Variants in HIVEP1 observed in about 807,000 individuals in gnomAD.
HIVEP1 encodes HIVEP zinc finger 1.
In HIVEP1, 36 loss-of-function variants were observed where a neutral mutation model predicts 180.0. That is an observed-to-expected ratio of 0.20 (90% confidence interval 0.15 to 0.26). The LOEUF is 0.26. Among genes scored for constraint, HIVEP1 ranks in the 10% least tolerant of loss-of-function variants. HIVEP1 has a pLI of 1.00. For missense variants in HIVEP1, 3,143 were observed against 3,268.7 expected (o/e 0.96, Z 0.94); for synonymous variants, 1,239 against 1,239.0 (o/e 1.00, Z 0.00).
intron 2 of HIVEP1, among the ~76,000 whole-genome samples, chr6:12,062,784 T>G (rs1344564758): frequency 6.6e-6 from 1 of 152,230 alleles, no homozygotes; most frequent in African/African-American, 2.4e-5. Flanking sequence ...AGACCAGGAT[T>G]TGAACTGAGA....
the HIVEP1 span, among the ~76,000 whole-genome samples, chr6:12,206,209 C>A: frequency 6.6e-6 from 1 of 152,210 alleles, no homozygotes; most frequent in South Asian, 2.1e-4. Flanking sequence ...TCTCAGCTCA[C>A]TGCAACCTCC....
At chr6:12,065,600 CG>C (rs1349714299) in intron 2 of HIVEP1, among the ~76,000 whole-genome samples, 1 of 152,048 alleles carries the variant, frequency 6.6e-6, no homozygotes, top group Non-Finnish European at 1.5e-5. Context: ...TCTGTGAATT[CG>C]CTTCTGTGTG....
Position 12,125,570 on chromosome 6 carries a change from C to T in HIVEP1, c.5775C>T (p.Ile1925=). 1 of 1,614,170 alleles carries T rather than the reference C, an allele frequency of 6.2e-7. No homozygotes were observed. Among genetic ancestry groups the T allele is most frequent in the Non-Finnish European group, 8.5e-7 (1 of 1,180,032 alleles). The change falls in exon 4 of 9, where the codon ATC becomes ATT. Residue 1925 remains isoleucine, a synonymous_variant. Transcript: ENST00000379388. The stretch of plus-strand genomic sequence containing the variant: ...TCACTTCTCTTTCATTGTTTAACAT[C>T]AAGGACACCCAGCAGCTGGCTTTCC... ...QPVTSLSLFN[I]KDTQQLAFPS...
At chr6:12,168,094 C>CATATATACAT (rs1562024449), downstream of HIVEP1, among the ~76,000 whole-genome samples, 1,186 of 44,332 alleles carry the variant, frequency 0.027, 391 homozygotes, top group Middle Eastern at 0.062. Context: ...CATATATACA[C>CATATATACAT]ATACACGTAT....
intron 2 of HIVEP1, among the ~76,000 whole-genome samples, chr6:12,017,819 A>G (rs544226476): frequency 6.6e-6 from 1 of 152,346 alleles, no homozygotes; most frequent in African/African-American, 2.4e-5. Context: ...TTAGCTAGAC[A>G]TAAAGTTTCT....
chr6:12,085,352 C>T (rs545557869), intron 2 of HIVEP1, among the ~76,000 whole-genome samples: 3 of 152,018 alleles, frequency 2.0e-5, no homozygotes, highest in East Asian at 1.9e-4. Context: ...GGGTTAAGTC[C>T]TAGGGTCTGG....
chr6:12,049,078 G>A (rs1279419230), intron 2 of HIVEP1, among the ~76,000 whole-genome samples: 2 of 152,200 alleles, frequency 1.3e-5, no homozygotes, highest in East Asian at 3.8e-4. Flanking sequence ...AAAGGTGGGT[G>A]TGGGCAGGGG....
rs997495532 is a variant in HIVEP1 at position 12,015,514 on chromosome 6, T to C, written c.-103-12T>C. On this transcript the variant is annotated splice_polypyrimidine_tract_variant and intron_variant, in intron 1 of 8. Transcript: ENST00000379388. Reference sequence around the variant, plus strand: ...GTAGTAAAATGTGCTTCTCCGTTTTTTTCTTTTTCAGCACATGGATTAATT... The same window carrying C: ...GTAGTAAAATGTGCTTCTCCGTTTTCTTCTTTTTCAGCACATGGATTAATT... The C allele has an allele frequency of 6.0e-6, 5 of 837,386 alleles. No homozygotes were observed. Among genetic ancestry groups the C allele is most frequent in the Middle Eastern group, 2.4e-4 (1 of 4,212 alleles). The allele number at this position is 837,386 out of a possible 1,614,324, so 51.9% of individuals were successfully genotyped here. A position where few individuals can be genotyped will look rare whatever the true frequency, so the allele number is the denominator to read the frequency against.
Position 12,119,906 on chromosome 6 carries a change from T to C in HIVEP1, c.111T>C (p.Gly37=). 1 of 1,564,054 alleles carries C rather than the reference T, an allele frequency of 6.4e-7. No homozygotes were observed. The highest frequency in any genetic ancestry group is 8.6e-7 in the Non-Finnish European group (1 of 1,161,432). ...EVSKKEILQA[G]VKGTSESLKG... Reference sequence around the variant, plus strand: ...TTTTTCCAGAAATCTTACAGGCTGGTGTTAAAGGAACTTCGGAATCCCTTA... The same window carrying C: ...TTTTTCCAGAAATCTTACAGGCTGGCGTTAAAGGAACTTCGGAATCCCTTA... Residue 37 remains glycine, a synonymous_variant, in exon 4 of 9, where the codon GGT becomes GGC. Coordinates refer to ENST00000379388, the MANE Select transcript of HIVEP1 (RefSeq NM_002114.4).
At chr6:12,159,394 C>CA (rs35991222) in intron 7 of HIVEP1, among the ~76,000 whole-genome samples, 27,266 of 143,030 alleles carry the variant, frequency 0.19, 2,908 homozygotes, top group Non-Finnish European at 0.26. Flanking sequence ...GATGCGTCTC[C>CA]AAAAAAAAAA....
chr6:12,091,097 AAAT>A (rs1201114602), intron 3 of HIVEP1, among the ~76,000 whole-genome samples: 8 of 152,166 alleles, frequency 5.3e-5, no homozygotes, highest in Non-Finnish European at 1.2e-4. Flanking sequence ...TATAAGTAAG[AAAT>A]AATATCAGTT....
At chr6:12,134,153 A>G (rs1758582367) in intron 6 of HIVEP1, among the ~76,000 whole-genome samples, 2 of 152,242 alleles carry the variant, frequency 1.3e-5, no homozygotes, top group Admixed American at 1.3e-4. Context: ...ACATAAAAGT[A>G]GAGATCTGTA....
intron 3 of HIVEP1, among the ~76,000 whole-genome samples, chr6:12,094,088 G>A (rs1773648504): frequency 6.6e-6 from 1 of 151,478 alleles, no homozygotes; most frequent in African/African-American, 2.4e-5. Context: ...ATTTTTTTCT[G>A]CTCTATTTCT....
intron 2 of HIVEP1, among the ~76,000 whole-genome samples, chr6:12,017,619 C>A (rs533212490): frequency 6.7e-6 from 1 of 149,994 alleles, no homozygotes; most frequent in Middle Eastern, 3.6e-3. Flanking sequence ...TACAGAGAGC[C>A]GATTGGTCTG....
chr6:12,116,401 G>A (rs1272826371), intron 3 of HIVEP1, among the ~76,000 whole-genome samples: 12 of 152,192 alleles, frequency 7.9e-5, no homozygotes, highest in Non-Finnish European at 1.5e-5. Context: ...AAGGGGTGGA[G>A]AGTGAAAAAT....
At chr6:12,159,215 C>T (rs956325127) in intron 7 of HIVEP1, among the ~76,000 whole-genome samples, 17 of 151,862 alleles carry the variant, frequency 1.1e-4, no homozygotes, top group East Asian at 1.9e-4. Flanking sequence ...TGTGCGCGCG[C>T]GCGTGCACGT....
downstream of HIVEP1, among the ~76,000 whole-genome samples, chr6:12,167,442 C>T (rs183051780): frequency 3.0e-3 from 459 of 150,842 alleles, 3 homozygotes; most frequent in African/African-American, 0.01. Context: ...GCATGTATAT[C>T]ACCTTAAGAA....
intron 2 of HIVEP1, among the ~76,000 whole-genome samples, chr6:12,045,664 G>A (rs891454590): frequency 3.3e-5 from 5 of 152,196 alleles, no homozygotes; most frequent in African/African-American, 7.2e-5. Context: ...GTGATTGATT[G>A]TAACCCACTG....
At chr6:12,129,997 G>A in intron 5 of HIVEP1, 105 bp downstream of exon 5, 1 of 732,258 alleles carries the variant, frequency 1.4e-6, no homozygotes, top group Non-Finnish European at 2.3e-6. Context: ...TATCGATGTT[G>A]CAAGGTTTCT....
Sources: gnomAD v4.1 joint callset for allele counts (sites outside exome capture counted in the v4.1 genomes callset) on GRCh38, gnomAD v4.1.1 for gene constraint, MANE v1.5 for transcripts, NCBI Gene and HGNC (gene_info 2026-07-23, HGNC 2026-07-21) for gene names.